Variants in CACNA2D1 observed in about 807,000 individuals in gnomAD.
CACNA2D1 encodes calcium voltage-gated channel auxiliary subunit alpha2delta 1.
Under a neutral mutation model 171.5 loss-of-function variants are expected in CACNA2D1, and 53 were observed. That is an observed-to-expected ratio of 0.31 (90% confidence interval 0.25 to 0.39). CACNA2D1 has a LOEUF of 0.39. CACNA2D1 is among the 10% of genes least tolerant of loss of function. The probability of loss-of-function intolerance (pLI) is 1.00; values close to 1 mark genes in which losing one functional copy is unlikely to be tolerated. For missense variants in CACNA2D1, 903 were observed against 1,299.8 expected, an observed-to-expected ratio of 0.69 and a Z score of 4.69; for synonymous variants, 442 against 443.1, an observed-to-expected ratio of 1.00 and a Z score of 0.03.
chr7:82,097,679 G>A (rs1431738858), intron 6 of CACNA2D1, among the ~76,000 whole-genome samples: 2 of 152,138 alleles, frequency 1.3e-5, no homozygotes, highest in African/African-American at 2.4e-5. Flanking sequence ...GGCAATCAGA[G>A]TAGTCAATCT....
chr7:82,078,772 C>T (rs530421091), intron 7 of CACNA2D1, among the ~76,000 whole-genome samples: 2 of 152,134 alleles, frequency 1.3e-5, no homozygotes, highest in South Asian at 4.1e-4. Context: ...GAAACAGGTA[C>T]AGAAATATAA....
chr7:82,162,901 T>C (rs1206645432), intron 4 of CACNA2D1, among the ~76,000 whole-genome samples: 1 of 152,048 alleles, frequency 6.6e-6, no homozygotes, highest in Non-Finnish European at 1.5e-5. Context: ...CATCTGTGCC[T>C]TGTACTTTGC....
At chr7:82,320,824 C>A (rs1299196466) in intron 3 of CACNA2D1, among the ~76,000 whole-genome samples, 7 of 144,998 alleles carry the variant, frequency 4.8e-5, no homozygotes, top group African/African-American at 7.8e-5. Flanking sequence ...ATTCATATCA[C>A]CCACATAAAA....
At chr7:82,275,435 C>A (rs548662588) in intron 3 of CACNA2D1, among the ~76,000 whole-genome samples, 5 of 152,080 alleles carry the variant, frequency 3.3e-5, no homozygotes, top group Non-Finnish European at 4.4e-5. Context: ...TGAATAGATA[C>A]CACAGCTGTT....
In CACNA2D1 at chr7:82,323,468, G is replaced by C. The variant is rs929450115; in HGVS notation, c.294+11667C>G. Among the ~76,000 whole-genome samples the C allele has an allele frequency of 3.3e-4, 50 of 152,240 alleles. 1 individual carries two copies. The highest frequency in any genetic ancestry group is 1.2e-3 in the African/African-American group (49 of 41,548). On this transcript the variant is annotated intron_variant, in intron 3 of 38. Transcript: ENST00000356860. Reference sequence around the variant, plus strand: ...TAGCTCTACCACTAACGACCTATGCGCAGGACCAGCCAGCTTTGGTGGGTG... The same window carrying C: ...TAGCTCTACCACTAACGACCTATGCCCAGGACCAGCCAGCTTTGGTGGGTG...
intron 3 of CACNA2D1, among the ~76,000 whole-genome samples, chr7:82,283,181 A>G (rs1197926293): frequency 6.6e-6 from 1 of 152,186 alleles, no homozygotes; most frequent in African/African-American, 2.4e-5. Flanking sequence ...AGTTAAAAAA[A>G]TTTCATTTCA....
At chr7:81,991,785 T>C (rs1279179762) in intron 20 of CACNA2D1, among the ~76,000 whole-genome samples, 2 of 151,902 alleles carry the variant, frequency 1.3e-5, no homozygotes, top group Middle Eastern at 3.2e-3. Flanking sequence ...CATGCATGGC[T>C]CTATCTTTTA....
At chr7:81,952,064 T>C (rs1174909353) in intron 38 of CACNA2D1, among the ~76,000 whole-genome samples, 1 of 149,756 alleles carries the variant, frequency 6.7e-6, no homozygotes, top group Non-Finnish European at 1.5e-5. Flanking sequence ...GGTTTTAACA[T>C]GCATTTCCCT....
intron 3 of CACNA2D1, among the ~76,000 whole-genome samples, chr7:82,256,531 C>A (rs1422289891): frequency 6.6e-6 from 1 of 152,042 alleles, no homozygotes; most frequent in Admixed American, 6.5e-5. Flanking sequence ...TCATTGCATG[C>A]CTACATGGTG....
At chr7:82,394,778 A>G (rs147992033) in intron 1 of CACNA2D1, among the ~76,000 whole-genome samples, 186 of 152,300 alleles carry the variant, frequency 1.2e-3, no homozygotes, top group African/African-American at 4.2e-3. Context: ...GTGAAGGAGA[A>G]CAGAAGAAAC....
chr7:81,955,834 A>T (rs2130060038), intron 38 of CACNA2D1, among the ~76,000 whole-genome samples: 1 of 143,822 alleles, frequency 7.0e-6, no homozygotes, highest in Admixed American at 7.4e-5. Flanking sequence ...ATGGTGATAT[A>T]TAATTATTGC....
At chr7:82,409,006 G>A (rs1210006968) in intron 1 of CACNA2D1, among the ~76,000 whole-genome samples, 1 of 152,022 alleles carries the variant, frequency 6.6e-6, no homozygotes, top group Non-Finnish European at 1.5e-5. Flanking sequence ...GTGACCTCAT[G>A]AGCCCAGAGT....
At chr7:82,037,655 A>G (rs1341289246) in intron 11 of CACNA2D1, among the ~76,000 whole-genome samples, 1 of 152,160 alleles carries the variant, frequency 6.6e-6, no homozygotes, top group Non-Finnish European at 1.5e-5. Context: ...CATTTTAGGA[A>G]CAATTTAAAG....
chr7:82,044,837 AT>A (rs1278009611), intron 10 of CACNA2D1, among the ~76,000 whole-genome samples: 2 of 152,190 alleles, frequency 1.3e-5, no homozygotes, highest in Non-Finnish European at 2.9e-5. Context: ...GATTTGGACT[AT>A]AAGAGATTAT....
chr7:82,138,221 T>C (rs1424503149), intron 4 of CACNA2D1, among the ~76,000 whole-genome samples: 1 of 152,060 alleles, frequency 6.6e-6, no homozygotes, highest in South Asian at 2.1e-4. Flanking sequence ...CTCTAAAATA[T>C]AGGTCTCCAT....
rs761701811 is a variant in CACNA2D1, at chr7:81,968,962, C to T, written c.2320G>A (p.Gly774Ser). 3 of 1,572,832 alleles carry T rather than the reference C, an allele frequency of 1.9e-6. No individual in the cohort carries two copies. In the African/African-American group the frequency reaches 4.1e-5, roughly 21 times the overall value. ...TAPYFNKSGPGAYESGIMVSK... is the reference protein window; with the variant it reads ...TAPYFNKSGPSAYESGIMVSK... Reference sequence around the variant, plus strand: ...ACCATAATGCCCGATTCATAGGCACCAGGTCCACTTTCTAAAAAAAAAATA... The same window carrying T: ...ACCATAATGCCCGATTCATAGGCACTAGGTCCACTTTCTAAAAAAAAAATA... Residue 774 changes from glycine to serine, a missense_variant, in exon 29 of 39, where the codon GGT becomes AGT. By Grantham distance (56) the Gly-to-Ser change is moderately conservative. Around this residue, in one of 5 missense-constraint regions of CACNA2D1, gnomAD observed 623 missense variants for 925.5 expected, o/e 0.67. Coordinates refer to ENST00000356860, the MANE Select transcript of CACNA2D1 (RefSeq NM_000722.4).
At chr7:82,309,964 T>C (rs985017537) in intron 3 of CACNA2D1, among the ~76,000 whole-genome samples, 1 of 152,198 alleles carries the variant, frequency 6.6e-6, no homozygotes, top group Admixed American at 6.5e-5. Flanking sequence ...AATTAAGTAA[T>C]AGTCATAAAA....
At chr7:82,149,636 T>C (rs1793554658) in intron 4 of CACNA2D1, among the ~76,000 whole-genome samples, 1 of 151,862 alleles carries the variant, frequency 6.6e-6, no homozygotes, top group Non-Finnish European at 1.5e-5. Flanking sequence ...AGGAGGAAGC[T>C]ATAAGAGTAT....
intron 3 of CACNA2D1, among the ~76,000 whole-genome samples, chr7:82,196,516 A>T (rs1034830141): frequency 2.6e-5 from 4 of 152,152 alleles, no homozygotes; most frequent in African/African-American, 9.6e-5. Flanking sequence ...GTGGAAAAAG[A>T]TTCAAGAAAT....
Sources: gnomAD v4.1 joint callset for allele counts (sites outside exome capture counted in the v4.1 genomes callset) on GRCh38, gnomAD v4.1.1 for gene constraint, gnomAD v4.1.1 regional missense constraint, MANE v1.5 for transcripts, NCBI Gene and HGNC (gene_info 2026-07-23, HGNC 2026-07-21) for gene names.